OPCML: variants seen among roughly 807,000 people sequenced by gnomAD.
The protein encoded by OPCML is opioid binding protein/cell adhesion molecule like, also known as opioid-binding protein/cell adhesion molecule.
In OPCML, 13 loss-of-function variants were observed where a neutral mutation model predicts 37.8. That is an observed-to-expected ratio of 0.34 (90% CI 0.22 to 0.55). The LOEUF (loss-of-function observed/expected upper bound fraction) is 0.55, where lower values mean the gene tolerates loss of function less well. Among genes scored for constraint, OPCML ranks in the 20% least tolerant of loss-of-function variants. The pLI, the probability that OPCML is intolerant of heterozygous loss-of-function variation, is 0.91. For synonymous variants in OPCML, 176 were observed against 168.8 expected (o/e 1.04, Z -0.33); for missense variants, 341 against 435.6 (o/e 0.78, Z 1.93).
intron 2 of OPCML, among the ~76,000 whole-genome samples, chr11:132,785,811 C>A: frequency 6.6e-6 from 1 of 152,142 alleles, no homozygotes; most frequent in Non-Finnish European, 1.5e-5. Context: ...TACACAGATC[C>A]CAACCTACAG....
intron 1 of OPCML, among the ~76,000 whole-genome samples, chr11:133,387,289 C>T (rs1010178078): frequency 6.6e-6 from 1 of 152,176 alleles, no homozygotes; most frequent in Non-Finnish European, 1.5e-5. Flanking sequence ...AGAGGCAAGA[C>T]ATCACTTGAC....
In OPCML at chr11:133,206,861, T is replaced by G. The variant is rs1339387799; in HGVS notation, c.62-263851A>C. Among the ~76,000 whole-genome samples, 1 of 152,170 alleles carries G rather than the reference T, an allele frequency of 6.6e-6. No homozygotes were observed. The highest frequency in any genetic ancestry group is 1.5e-5 in the Non-Finnish European group (1 of 68,036). ...ATGTCCACACAGCTACGGTGACCTA[T>G]TCATGTCTTAGGACGGGTAGGTGGA... is the stretch of plus-strand genomic sequence containing the variant. On this transcript the variant is annotated intron_variant, in intron 1 of 7. Transcript: ENST00000524381. This position sits in a 1 kb window ranked among gnomAD's most constrained non-coding sequence, Gnocchi z 4.7.
chr11:133,467,624 G>T (rs1361119310), intron 1 of OPCML, among the ~76,000 whole-genome samples: 2 of 152,124 alleles, frequency 1.3e-5, no homozygotes, highest in East Asian at 1.9e-4. Flanking sequence ...TCCATGGCAG[G>T]TTCTTCAGAT....
At chr11:132,689,786 G>C (rs1374992337) in intron 2 of OPCML, among the ~76,000 whole-genome samples, 2 of 152,100 alleles carry the variant, frequency 1.3e-5, no homozygotes, top group African/African-American at 2.4e-5. Flanking sequence ...CATGAAATAA[G>C]CTTTGTAAAA....
At chr11:132,449,248 G>T (rs1313240897) in intron 4 of OPCML, among the ~76,000 whole-genome samples, 1 of 152,210 alleles carries the variant, frequency 6.6e-6, no homozygotes, top group Non-Finnish European at 1.5e-5. Context: ...AGGACTATGT[G>T]TGTCTGAACG....
intron 3 of OPCML, among the ~76,000 whole-genome samples, chr11:132,597,393 T>C (rs2096494017): frequency 6.6e-6 from 1 of 152,224 alleles, no homozygotes; most frequent in Non-Finnish European, 1.5e-5. Context: ...GCTTTTAACA[T>C]ATGGCTGGCA....
At chr11:133,153,479 G>C (rs1395268638) in intron 1 of OPCML, among the ~76,000 whole-genome samples, 1 of 152,182 alleles carries the variant, frequency 6.6e-6, no homozygotes, top group African/African-American at 2.4e-5. Context: ...AGCTCAGGTT[G>C]CCTTGGAACC....
chr11:132,603,493 A>G (rs773651437), intron 3 of OPCML, among the ~76,000 whole-genome samples: 1 of 152,144 alleles, frequency 6.6e-6, no homozygotes, highest in Non-Finnish European at 1.5e-5. Flanking sequence ...CTCTGGTTCA[A>G]ATCCTTATCA....
At chr11:133,381,691 C>T (rs763522151) in intron 1 of OPCML, among the ~76,000 whole-genome samples, 3 of 152,206 alleles carry the variant, frequency 2.0e-5, no homozygotes, top group Admixed American at 6.5e-5. Context: ...CCTCAGTGAG[C>T]GTAACGAGTC....
intron 2 of OPCML, among the ~76,000 whole-genome samples, chr11:132,884,731 T>C (rs960363818): frequency 2.0e-5 from 3 of 152,208 alleles, no homozygotes; most frequent in African/African-American, 7.2e-5. Flanking sequence ...GGGTCTCTGA[T>C]AGGTGCCACA....
At chr11:132,725,072 C>A (rs1256864575) in intron 2 of OPCML, among the ~76,000 whole-genome samples, 2 of 152,202 alleles carry the variant, frequency 1.3e-5, no homozygotes, top group African/African-American at 4.8e-5. Context: ...CCTATTCTCA[C>A]AGGTCCATGA....
At chr11:132,493,646 G>A (rs190540315) in intron 4 of OPCML, among the ~76,000 whole-genome samples, 7 of 152,276 alleles carry the variant, frequency 4.6e-5, no homozygotes, top group Admixed American at 6.5e-5. Flanking sequence ...AAAGGAGAAG[G>A]GGAGAAAAGA....
rs543474680 is a variant in OPCML at position 133,133,024 on chromosome 11, A to G, written c.62-190014T>C. On this transcript the variant is annotated intron_variant, in intron 1 of 7. Transcript: ENST00000524381. ...TAGAACCAACGTCAGAGAAACCAGA[A>G]AGCTTATTTCAGGTTGTTTGGTGTC... Among the ~76,000 whole-genome samples, 12 of 152,234 alleles carry G rather than the reference A, an allele frequency of 7.9e-5. No individual in the cohort carries two copies. The East Asian group carries it at 2.3e-3, about 29-fold the overall frequency.
At chr11:132,708,304 T>G (rs1944118287) in intron 2 of OPCML, among the ~76,000 whole-genome samples, 1 of 152,184 alleles carries the variant, frequency 6.6e-6, no homozygotes, top group Admixed American at 6.5e-5. Flanking sequence ...CCTAGAGGAA[T>G]TAACATTTTC....
At chr11:132,697,677 G>T (rs1943647082) in intron 2 of OPCML, among the ~76,000 whole-genome samples, 1 of 152,058 alleles carries the variant, frequency 6.6e-6, no homozygotes, top group African/African-American at 2.4e-5. Flanking sequence ...CCCATCAGTG[G>T]ATGCTTATGT....
chr11:133,003,652 C>T (rs1025454106), intron 1 of OPCML: 6 of 985,206 alleles, frequency 6.1e-6, no homozygotes, highest in Non-Finnish European at 7.2e-6. Context: ...TTTTGTGGAA[C>T]ATACTAAAAA....
intron 1 of OPCML, among the ~76,000 whole-genome samples, chr11:133,348,883 T>G (rs1944063381): frequency 6.6e-6 from 1 of 151,986 alleles, no homozygotes; most frequent in African/African-American, 2.4e-5. Context: ...GCCTTGACAT[T>G]TAAGGAATCT....
At chr11:132,635,966 T>A (rs190564915) in intron 3 of OPCML, among the ~76,000 whole-genome samples, 111 of 151,964 alleles carry the variant, frequency 7.3e-4, no homozygotes, top group Middle Eastern at 3.4e-3. Flanking sequence ...TTGAAAATAC[T>A]CCCCCCCGGA....
intron 4 of OPCML, among the ~76,000 whole-genome samples, chr11:132,502,413 C>G (rs1005895346): frequency 1.3e-5 from 2 of 152,202 alleles, no homozygotes; most frequent in South Asian, 4.1e-4. Context: ...TGCCAGTTCT[C>G]CCATCACAGT....
Sources: gnomAD v4.1 joint callset for allele counts (sites outside exome capture counted in the v4.1 genomes callset) on GRCh38, gnomAD v4.1.1 for gene constraint, Gnocchi (gnomAD v3.1) non-coding constraint, MANE v1.5 for transcripts, NCBI Gene and HGNC (gene_info 2026-07-23, HGNC 2026-07-21) for gene names.